Variants in NEGR1 observed in about 807,000 individuals in gnomAD.
The protein encoded by NEGR1 is IgLON family member 4.
In NEGR1, 10 loss-of-function variants were observed where a neutral mutation model predicts 40.9. That is an observed-to-expected ratio of 0.24 (90% CI 0.15 to 0.42). The LOEUF is 0.42. NEGR1 is among the 10% of genes least tolerant of loss of function. The pLI is 1.00. For missense variants in NEGR1, 352 were observed against 438.9 expected, an observed-to-expected ratio of 0.80 and a Z score of 1.77; for synonymous variants, 185 against 166.8, an observed-to-expected ratio of 1.11 and a Z score of -0.84.
intron 1 of NEGR1, among the ~76,000 whole-genome samples, chr1:72,184,721 G>A (rs997547150): frequency 6.6e-6 from 1 of 151,898 alleles, no homozygotes; most frequent in Non-Finnish European, 1.5e-5. Flanking sequence ...TGAACCATCC[G>A]GTCATAGTAC....
chr1:72,183,089 G>C (rs1652449495), intron 1 of NEGR1, among the ~76,000 whole-genome samples: 1 of 151,972 alleles, frequency 6.6e-6, no homozygotes, highest in Non-Finnish European at 1.5e-5. Context: ...CTCTCCTCCA[G>C]TACATTGACT....
rs190804812 is a variant in NEGR1, at chr1:71,918,293, G to A, written c.409+16786C>T. On this transcript the variant is annotated intron_variant, in intron 2 of 6. Transcript: ENST00000357731. Reference sequence around the variant, plus strand: ...ACACATCATACTGTCAAAAACAAGTGTATGAACTGTGAGCTCAAAAGCCCA... The same window carrying A: ...ACACATCATACTGTCAAAAACAAGTATATGAACTGTGAGCTCAAAAGCCCA... Among the ~76,000 whole-genome samples the A allele has an allele frequency of 4.6e-5, 6 of 131,820 alleles. No homozygotes were observed. In the East Asian group the frequency reaches 1.4e-3, roughly 32 times the overall value. 86.5% of individuals were successfully genotyped at this position (131,820 alleles called of 152,430 possible).
At chr1:71,902,102 T>G (rs959203895) in intron 2 of NEGR1, among the ~76,000 whole-genome samples, 3 of 152,170 alleles carry the variant, frequency 2.0e-5, no homozygotes, top group Non-Finnish European at 4.4e-5. Context: ...TCTGGGGAAA[T>G]TAAGGAAGAA....
At chr1:72,039,190 G>A (rs138502976) in intron 1 of NEGR1, among the ~76,000 whole-genome samples, 4 of 152,052 alleles carry the variant, frequency 2.6e-5, no homozygotes, top group Non-Finnish European at 5.9e-5. Flanking sequence ...TGTATTAAGA[G>A]GGCAATATAA....
intron 1 of NEGR1, among the ~76,000 whole-genome samples, chr1:72,120,792 G>A (rs555568605): frequency 1.3e-5 from 2 of 151,966 alleles, no homozygotes; most frequent in East Asian, 3.9e-4. Context: ...TGAAATTGAG[G>A]TCTATTATAA....
chr1:71,883,914 T>C (rs1268007794), intron 2 of NEGR1, among the ~76,000 whole-genome samples: 1 of 152,112 alleles, frequency 6.6e-6, no homozygotes, highest in Admixed American at 6.5e-5. Context: ...TCATTGTTGT[T>C]AGAAACGAAA....
chr1:71,421,916 C>T (rs1646397249), intron 6 of NEGR1, among the ~76,000 whole-genome samples: 4 of 143,402 alleles, frequency 2.8e-5, no homozygotes, highest in African/African-American at 1.0e-4. Context: ...CCTTGTTACA[C>T]TTTTTTTTTT....
intron 1 of NEGR1, among the ~76,000 whole-genome samples, chr1:72,191,269 T>C (rs1170896735): frequency 1.3e-5 from 2 of 151,752 alleles, no homozygotes; most frequent in Non-Finnish European, 2.9e-5. Flanking sequence ...GGATTGATTC[T>C]TTCTCCCTAA....
chr1:71,927,924 G>C (rs558321128), intron 2 of NEGR1, among the ~76,000 whole-genome samples: 1 of 146,730 alleles, frequency 6.8e-6, no homozygotes, highest in Non-Finnish European at 1.5e-5. Context: ...CCTGAGGCCA[G>C]GGAGGTTGAG....
chr1:71,773,069 A>G (rs1027625335), intron 3 of NEGR1, among the ~76,000 whole-genome samples: 2 of 152,230 alleles, frequency 1.3e-5, no homozygotes, highest in African/African-American at 4.8e-5. Flanking sequence ...TGCAAGAGTT[A>G]AAAAGTAGAA....
At chr1:72,272,507 A>T (rs1376509645) in intron 1 of NEGR1, among the ~76,000 whole-genome samples, 1 of 151,994 alleles carries the variant, frequency 6.6e-6, no homozygotes, top group Non-Finnish European at 1.5e-5. Context: ...TAACAGGATA[A>T]ATGTTATTAG....
intron 4 of NEGR1, among the ~76,000 whole-genome samples, chr1:71,620,011 AT>A: frequency 6.6e-6 from 1 of 152,192 alleles, no homozygotes; most frequent in East Asian, 1.9e-4. Flanking sequence ...TCCAATAATT[AT>A]TTTAATATCC....
At chr1:72,168,072 C>T (rs998356451) in intron 1 of NEGR1, among the ~76,000 whole-genome samples, 4 of 150,640 alleles carry the variant, frequency 2.7e-5, no homozygotes, top group South Asian at 4.2e-4. Context: ...GTGGCGTGAT[C>T]TCGGCTAACT....
At chr1:71,411,874 G>A (rs191592918) in intron 6 of NEGR1, among the ~76,000 whole-genome samples, 3 of 152,012 alleles carry the variant, frequency 2.0e-5, no homozygotes, top group Admixed American at 1.3e-4. Context: ...GGTGTCACAC[G>A]CTTGTAGTCC....
chr1:72,246,751 T>C (rs1003964447), intron 1 of NEGR1, among the ~76,000 whole-genome samples: 10 of 152,172 alleles, frequency 6.6e-5, no homozygotes, highest in African/African-American at 2.4e-4. Context: ...GGGGACTCTG[T>C]GTGGGAGCTC....
intron 5 of NEGR1, among the ~76,000 whole-genome samples, chr1:71,606,945 TTGTTTA>T (rs1160407690): frequency 3.3e-5 from 5 of 152,192 alleles, no homozygotes; most frequent in Non-Finnish European, 7.3e-5. Flanking sequence ...TTGTGTTTAT[TTGTTTA>T]TGTTTATCTG....
At chr1:72,046,976 C>T (rs1647008464) in intron 1 of NEGR1, among the ~76,000 whole-genome samples, 1 of 151,568 alleles carries the variant, frequency 6.6e-6, no homozygotes, top group Non-Finnish European at 1.5e-5. Flanking sequence ...TTCCAACGTC[C>T]TTAATTTTCA....
intron 6 of NEGR1, among the ~76,000 whole-genome samples, chr1:71,426,463 A>G (rs1646429117): frequency 6.6e-6 from 1 of 152,222 alleles, no homozygotes; most frequent in Non-Finnish European, 1.5e-5. Context: ...AAAAGTCACG[A>G]TGACAAATCA....
intron 1 of NEGR1, among the ~76,000 whole-genome samples, chr1:72,103,626 G>A (rs10493493): frequency 3.3e-5 from 5 of 151,808 alleles, no homozygotes; most frequent in African/African-American, 9.7e-5. Context: ...GTTAAGCTAC[G>A]TTTTCCCTGG....
Sources: gnomAD v4.1 joint callset for allele counts (sites outside exome capture counted in the v4.1 genomes callset) on GRCh38, gnomAD v4.1.1 for gene constraint, MANE v1.5 for transcripts, NCBI Gene and HGNC (gene_info 2026-07-23, HGNC 2026-07-21) for gene names.